Variants in CTNNBL1 observed in about 807,000 individuals in gnomAD.
The protein encoded by CTNNBL1 is beta-catenin-like protein 1.
A neutral mutation model predicts 72.7 loss-of-function variants in CTNNBL1; 31 were observed. That is an observed-to-expected ratio of 0.43 (90% CI 0.32 to 0.58). The LOEUF is 0.58. Among genes scored for constraint, CTNNBL1 ranks in the 20% least tolerant of loss-of-function variants. The probability of loss-of-function intolerance (pLI) is 0.08; values close to 1 mark genes in which losing one functional copy is unlikely to be tolerated. For synonymous variants in CTNNBL1, 240 were observed against 267.3 expected (o/e 0.90, Z 1.00); for missense variants, 534 against 725.1 (o/e 0.74, Z 3.03).
intron 2 of CTNNBL1, among the ~76,000 whole-genome samples, chr20:37,736,204 G>A (rs2073170170): frequency 1.3e-5 from 2 of 152,206 alleles, no homozygotes; most frequent in Middle Eastern, 3.4e-3. Flanking sequence ...TCAGCATCTA[G>A]TAAGTACCAG....
intron 1 of CTNNBL1, among the ~76,000 whole-genome samples, chr20:37,722,944 A>G (rs779523383): frequency 1.6e-4 from 24 of 152,216 alleles, no homozygotes; most frequent in Non-Finnish European, 2.9e-4. Context: ...ATGGATGCGG[A>G]TGGTTCTGGT....
intron 11 of CTNNBL1, among the ~76,000 whole-genome samples, chr20:37,831,085 A>G (rs921659249): frequency 3.3e-5 from 5 of 152,172 alleles, no homozygotes; most frequent in African/African-American, 7.2e-5. Flanking sequence ...CTGTCCACCA[A>G]CTTTACCACT....
At chr20:37,748,784 G>C (rs896417119) in intron 4 of CTNNBL1, among the ~76,000 whole-genome samples, 1 of 152,190 alleles carries the variant, frequency 6.6e-6, no homozygotes, top group African/African-American at 2.4e-5. Flanking sequence ...GGAGCTCGCT[G>C]TGTCTCTTTT....
intron 13 of CTNNBL1, among the ~76,000 whole-genome samples, chr20:37,857,408 A>G (rs1036524575): frequency 3.9e-5 from 6 of 152,114 alleles, no homozygotes; most frequent in African/African-American, 7.2e-5. Context: ...CACACATCCA[A>G]CACCCCCCAG....
intron 1 of CTNNBL1, among the ~76,000 whole-genome samples, chr20:37,712,054 G>A (rs1255987550): frequency 6.6e-6 from 1 of 152,212 alleles, no homozygotes; most frequent in African/African-American, 2.4e-5. Flanking sequence ...GCTTAGCTGT[G>A]GGAGGGTGTG....
At chr20:37,792,416 C>T (rs780782574) in intron 10 of CTNNBL1, among the ~76,000 whole-genome samples, 1 of 152,130 alleles carries the variant, frequency 6.6e-6, no homozygotes. Flanking sequence ...TCAAAAGATC[C>T]TCCTGCCTCA....
chr20:37,718,264 G>T (rs1160277383), intron 1 of CTNNBL1, among the ~76,000 whole-genome samples: 4 of 143,786 alleles, frequency 2.8e-5, no homozygotes, highest in African/African-American at 1.1e-4. Flanking sequence ...CTCCCGGACG[G>T]GGTGGCTGGC....
intron 10 of CTNNBL1, among the ~76,000 whole-genome samples, chr20:37,783,097 G>C (rs1405501739): frequency 2.0e-5 from 3 of 152,124 alleles, no homozygotes; most frequent in Non-Finnish European, 4.4e-5. Flanking sequence ...TTTTGGCAGA[G>C]ACAGGATTTC....
chr20:37,762,170 C>A (rs1247301748), intron 5 of CTNNBL1, among the ~76,000 whole-genome samples: 5 of 152,212 alleles, frequency 3.3e-5, no homozygotes, highest in East Asian at 1.9e-4. Flanking sequence ...ATACAACAGG[C>A]CTGAGTTTTG....
chr20:37,727,303 G>C, intron 1 of CTNNBL1: 1 of 981,014 alleles, frequency 1.0e-6, no homozygotes, highest in Non-Finnish European at 1.2e-6. Context: ...TGTTTTCAGG[G>C]GCATGGATGG....
intron 3 of CTNNBL1, 22 bp from the exon 4 acceptor site, chr20:37,746,446 G>A (rs746704034): frequency 4.4e-5 from 70 of 1,607,162 alleles, no homozygotes; most frequent in Non-Finnish European, 5.9e-5. Flanking sequence ...TCCTTCTAAT[G>A]ATGTCTTGTT....
intron 12 of CTNNBL1, chr20:37,842,117 G>A (rs1426339281): frequency 2.1e-6 from 1 of 476,842 alleles, no homozygotes; most frequent in African/African-American, 2.0e-5. Context: ...GAATGGGCCT[G>A]GTTCAAACTG....
intron 10 of CTNNBL1, among the ~76,000 whole-genome samples, chr20:37,791,747 C>T (rs115109333): frequency 2.3e-3 from 346 of 152,192 alleles, no homozygotes; most frequent in African/African-American, 7.9e-3. Context: ...GTGAACTGCG[C>T]GTGCGAGCGA....
At chr20:37,810,030 T>C (rs975372841) in intron 11 of CTNNBL1, among the ~76,000 whole-genome samples, 1 of 152,246 alleles carries the variant, frequency 6.6e-6, no homozygotes, top group Admixed American at 6.5e-5. Flanking sequence ...CATGGTTTTT[T>C]TTTTATCTTT....
intron 5 of CTNNBL1, 63 bp from the exon 6 acceptor site, chr20:37,765,134 C>A: frequency 1.8e-6 from 2 of 1,097,628 alleles, no homozygotes; most frequent in Non-Finnish European, 2.7e-6. Context: ...AGTATGGGAA[C>A]GGGAACATTT....
chr20:37,777,278 A>G, intron 7 of CTNNBL1, 67 bp from the exon 8 acceptor site: 1 of 1,297,854 alleles, frequency 7.7e-7, no homozygotes, highest in Non-Finnish European at 1.1e-6. Flanking sequence ...GTACTCGTGA[A>G]AAATTTGTCC....
chr20:37,851,228 A>G (rs1244031535), intron 13 of CTNNBL1, among the ~76,000 whole-genome samples: 1 of 152,186 alleles, frequency 6.6e-6, no homozygotes, highest in Non-Finnish European at 1.5e-5. Context: ...GTTCTACCGA[A>G]TGCACCATTC....
rs200099302 is a variant in CTNNBL1 at position 37,746,477 on chromosome 20, A to G, written c.336A>G (p.Glu112=). The change falls in exon 4 of 16, where the codon GAA becomes GAG. Residue 112 remains glutamate (E), a synonymous_variant. Transcript: ENST00000361383. ...KFPDNPEKFM[E]SELDLNDIIQ... is the part of the protein sequence containing the mutation. ...TTGTTTTCCCTCCTAGGTTCATGGA[A>G]TCCGAGCTGGACCTAAATGACATCA... 2 of 1,613,368 alleles carry G rather than the reference A, an allele frequency of 1.2e-6. No homozygotes were observed. The highest frequency in any genetic ancestry group is 3.3e-5 in the Admixed American group (2 of 60,008).
chr20:37,695,896 G>C (rs528318493), intron 1 of CTNNBL1, among the ~76,000 whole-genome samples: 5 of 152,300 alleles, frequency 3.3e-5, no homozygotes, highest in African/African-American at 1.2e-4. Context: ...CAAAGTACAA[G>C]AAATTGACCC....
Sources: allele counts gnomAD v4.1 joint callset (sites outside exome capture counted in the v4.1 genomes callset), GRCh38; gene constraint gnomAD v4.1.1; transcripts MANE v1.5; gene names NCBI Gene and HGNC (gene_info 2026-07-23, HGNC 2026-07-21).